SHTN1: variants seen among roughly 807,000 people sequenced by gnomAD.
SHTN1 encodes shootin-1.
Under a neutral mutation model 83.1 loss-of-function variants are expected in SHTN1, and 42 were observed. The observed-to-expected ratio is 0.51, with a 90% CI of 0.39 to 0.65. The LOEUF is 0.65. Ranked by LOEUF, SHTN1 falls within the 30% of genes least tolerant of loss-of-function variation. SHTN1 has a pLI of 0.00. For missense variants in SHTN1, 622 were observed against 737.8 expected (o/e 0.84, Z 1.82); for synonymous variants, 224 against 247.7 (o/e 0.90, Z 0.90).
intron 1 of SHTN1, among the ~76,000 whole-genome samples, chr10:117,063,570 TG>T (rs1345273854): frequency 1.3e-5 from 2 of 152,214 alleles, no homozygotes; most frequent in African/African-American, 4.8e-5. Context: ...GAGAGATTTC[TG>T]TTTTCCTTAT....
intron 9 of SHTN1, among the ~76,000 whole-genome samples, chr10:116,937,498 C>A (rs1470791332): frequency 6.6e-6 from 1 of 152,162 alleles, no homozygotes; most frequent in Non-Finnish European, 1.5e-5. Context: ...CCCCCACTCT[C>A]TTCTGGTTTG....
chr10:117,064,577 C>T (rs1852946205), intron 1 of SHTN1, among the ~76,000 whole-genome samples: 2 of 151,918 alleles, frequency 1.3e-5, no homozygotes, highest in Non-Finnish European at 2.9e-5. Flanking sequence ...ATCGCTTGAA[C>T]CCGTGAGGCA....
chr10:117,010,189 AAG>A (rs1852083036), upstream of SHTN1, among the ~76,000 whole-genome samples: 1 of 24,900 alleles, frequency 4.0e-5, no homozygotes. Flanking sequence ...TAAATTAACG[AAG>A]AAAAAAAAGA....
At chr10:116,954,318 A>G in intron 4 of SHTN1, 108 bp from the exon 5 acceptor site, 1 of 656,814 alleles carries the variant, frequency 1.5e-6, no homozygotes. Flanking sequence ...ATTCATCAAC[A>G]CTCACAGCAG....
chr10:116,950,380 C>G (rs1000466226), intron 6 of SHTN1, among the ~76,000 whole-genome samples: 1 of 152,118 alleles, frequency 6.6e-6, no homozygotes, highest in Non-Finnish European at 1.5e-5. Flanking sequence ...GGAGGTCTTG[C>G]TGATCTCCAA....
At chr10:117,086,938 C>T (rs1011896332) in intron 1 of SHTN1, among the ~76,000 whole-genome samples, 39 of 152,152 alleles carry the variant, frequency 2.6e-4, no homozygotes, top group Admixed American at 1.4e-3. Flanking sequence ...GAATGAAGTT[C>T]TTATACACGC....
chr10:116,913,082 A>G (rs949039079), intron 13 of SHTN1, among the ~76,000 whole-genome samples: 1 of 152,136 alleles, frequency 6.6e-6, no homozygotes, highest in African/African-American at 2.4e-5. Context: ...CACTACCACC[A>G]AGGAATTTTG....
chr10:117,007,073 G>T (rs1256237831), upstream of SHTN1, among the ~76,000 whole-genome samples: 1 of 151,988 alleles, frequency 6.6e-6, no homozygotes, highest in African/African-American at 2.4e-5. Context: ...ATATGGGATT[G>T]TATTATTCAG....
intron 2 of SHTN1, among the ~76,000 whole-genome samples, chr10:117,031,662 G>C (rs1042965722): frequency 6.6e-6 from 1 of 152,024 alleles, no homozygotes; most frequent in East Asian, 1.9e-4. Flanking sequence ...TGCAAACAGG[G>C]TTAAGTTGTT....
intron 2 of SHTN1, among the ~76,000 whole-genome samples, chr10:116,977,531 G>T (rs1172013035): frequency 6.6e-6 from 1 of 152,122 alleles, no homozygotes; most frequent in East Asian, 1.9e-4. Flanking sequence ...GAATTTTGGG[G>T]CATCAGGGGC....
intron 1 of SHTN1, among the ~76,000 whole-genome samples, chr10:117,112,820 T>C (rs1853787733): frequency 6.6e-6 from 1 of 152,254 alleles, no homozygotes; most frequent in South Asian, 2.1e-4. Flanking sequence ...AGAGCTCTAA[T>C]TGCAGGTCTC....
At chr10:116,911,366 C>A in intron 14 of SHTN1, 2 of 1,204,498 alleles carry the variant, frequency 1.7e-6, no homozygotes, top group Non-Finnish European at 2.3e-6. Flanking sequence ...GACTGTGACC[C>A]TGATATGAAG....
chr10:117,028,605 G>A (rs552574800), intron 2 of SHTN1, among the ~76,000 whole-genome samples: 17 of 152,128 alleles, frequency 1.1e-4, no homozygotes, highest in East Asian at 1.9e-4. Context: ...CCTACATCCC[G>A]CTCTCCAGTT....
chr10:116,893,641 G>C (rs1847417943), intron 16 of SHTN1, among the ~76,000 whole-genome samples: 1 of 136,164 alleles, frequency 7.3e-6, no homozygotes, highest in Non-Finnish European at 1.6e-5. Flanking sequence ...AAATGGTGGG[G>C]GTGGGAGTAT....
chr10:116,961,566 C>T (rs777942574), intron 3 of SHTN1, among the ~76,000 whole-genome samples: 17 of 152,102 alleles, frequency 1.1e-4, no homozygotes, highest in Non-Finnish European at 2.5e-4. Flanking sequence ...AACATTACTA[C>T]TGCATCCCAT....
At chr10:116,914,080 C>A (rs2067862134) in intron 13 of SHTN1, among the ~76,000 whole-genome samples, 1 of 152,214 alleles carries the variant, frequency 6.6e-6, no homozygotes, top group South Asian at 2.1e-4. Flanking sequence ...GTTGAGTATT[C>A]TTTCCCTCTT....
At chr10:116,971,611 GCA>G (rs1339986612) in intron 2 of SHTN1, among the ~76,000 whole-genome samples, 1 of 152,110 alleles carries the variant, frequency 6.6e-6, no homozygotes, top group Non-Finnish European at 1.5e-5. Context: ...CTCCAATAAT[GCA>G]CAGTGTAGCA....
At chr10:117,058,452 A>G (rs1251358591) in intron 1 of SHTN1, among the ~76,000 whole-genome samples, 1 of 152,228 alleles carries the variant, frequency 6.6e-6, no homozygotes, top group African/African-American at 2.4e-5. Context: ...CATTAAGTAA[A>G]CACAAATCAA....
At chr10:117,063,914 G>A (rs1397115566) in intron 1 of SHTN1, among the ~76,000 whole-genome samples, 1 of 151,856 alleles carries the variant, frequency 6.6e-6, no homozygotes. Flanking sequence ...TTCTAAACAA[G>A]AACTAAACTA....
Sources: allele counts gnomAD v4.1 joint callset (sites outside exome capture counted in the v4.1 genomes callset), GRCh38; gene constraint gnomAD v4.1.1; transcripts MANE v1.5; gene names NCBI Gene and HGNC (gene_info 2026-07-23, HGNC 2026-07-21).